The following CDH12 variants were observed in gnomAD, a reference collection of about 807,000 sequenced individuals.
The protein encoded by CDH12 is cadherin 12, also known as cadherin-12.
Under a neutral mutation model 74.1 loss-of-function variants are expected in CDH12, and 41 were observed. That is an observed-to-expected ratio of 0.55 (90% CI 0.43 to 0.72). The LOEUF (loss-of-function observed/expected upper bound fraction) is 0.72. Among genes scored for constraint, CDH12 ranks in the 30% least tolerant of loss-of-function variants. The pLI, the probability that CDH12 is intolerant of heterozygous loss-of-function variation, is 0.00. For synonymous variants in CDH12, 399 were observed against 355.0 expected (o/e 1.12, Z -1.39); for missense variants, 945 against 977.2 (o/e 0.97, Z 0.44).
chr5:21,920,670 G>A (rs7448939), intron 6 of CDH12, among the ~76,000 whole-genome samples: 108,723 of 147,368 alleles, frequency 0.74, 42,895 homozygotes, highest in East Asian at 0.93. Context: ...CTTAAAGTAT[G>A]ATAATAATAA....
chr5:22,466,838 G>A (rs984662771), intron 2 of CDH12, among the ~76,000 whole-genome samples: 1 of 135,342 alleles, frequency 7.4e-6, no homozygotes, highest in African/African-American at 2.9e-5. Flanking sequence ...CACCAGGCTG[G>A]AGTGCAATGG....
chr5:22,225,905 C>T (rs560525998), intron 3 of CDH12, among the ~76,000 whole-genome samples: 1 of 117,490 alleles, frequency 8.5e-6, no homozygotes, highest in East Asian at 2.6e-4. Context: ...TGGCCTCTAA[C>T]AATAACAACA....
intron 1 of CDH12, among the ~76,000 whole-genome samples, chr5:22,669,384 G>A (rs749324927): frequency 6.6e-6 from 1 of 151,444 alleles, no homozygotes; most frequent in African/African-American, 2.4e-5. Flanking sequence ...GATGACTTCT[G>A]GGAAAAGAGA....
At position 22,156,140 on chromosome 5, in the gene CDH12, A is replaced by G. The variant is rs1398240027; in HGVS notation, c.-187+56358T>C. 3.3e-5 allele frequency among the ~76,000 whole-genome samples: 5 copies of G among 152,214 alleles called. No individual in the cohort carries two copies. In the East Asian group the frequency reaches 9.7e-4, roughly 29 times the overall value. ...TTCACTAAGAATGATGAAAGTGGGA[A>G]CTGTGTGGCATGGCCTAGGAATTGT... On this transcript the variant is annotated intron_variant, in intron 4 of 14. Transcript: ENST00000382254.
chr5:21,760,778 G>A, intron 12 of CDH12, 103 bp from the exon 13 acceptor site: 1 of 736,564 alleles, frequency 1.4e-6, no homozygotes, highest in Non-Finnish European at 2.4e-6. Context: ...GACAGAAATG[G>A]CACTTTTTGA....
chr5:22,840,506 T>C (rs1309958052), intron 1 of CDH12, among the ~76,000 whole-genome samples: 2 of 149,820 alleles, frequency 1.3e-5, no homozygotes, highest in Non-Finnish European at 3.0e-5. Context: ...TTTATATATA[T>C]TATATATTTA....
chr5:21,862,666 TC>T (rs1386188130), intron 6 of CDH12, among the ~76,000 whole-genome samples: 1 of 152,188 alleles, frequency 6.6e-6, no homozygotes, highest in East Asian at 1.9e-4. Flanking sequence ...AAATGCTACT[TC>T]TAGCATGACA....
chr5:22,664,356 G>A (rs1224054676), intron 1 of CDH12, among the ~76,000 whole-genome samples: 1 of 152,120 alleles, frequency 6.6e-6, no homozygotes, highest in Non-Finnish European at 1.5e-5. Context: ...AGAAGGTGAA[G>A]GGGAAGCAAG....
rs191020430 is a variant in CDH12, at chr5:22,824,123, G to T, written c.-523+28935C>A. On this transcript the variant is annotated intron_variant, in intron 1 of 14. Coordinates refer to ENST00000382254, the MANE Select transcript of CDH12 (RefSeq NM_004061.5). The stretch of plus-strand genomic sequence containing the variant: ...CATCTGACTAATCATAGCATCAATG[G>T]AAACTAGAAGACAATGGACTAATAT... Among the ~76,000 whole-genome samples, 4 of 152,178 alleles carry T rather than the reference G, an allele frequency of 2.6e-5. No individual in the cohort carries two copies. In the East Asian group the frequency reaches 7.7e-4, roughly 29 times the overall value.
chr5:22,001,950 T>A (rs1424582196), intron 5 of CDH12, among the ~76,000 whole-genome samples: 2 of 152,094 alleles, frequency 1.3e-5, no homozygotes, highest in Non-Finnish European at 2.9e-5. Context: ...AATCCCTCTT[T>A]AAGAGATTAT....
intron 3 of CDH12, among the ~76,000 whole-genome samples, chr5:22,360,261 C>T (rs1013489149): frequency 6.6e-6 from 1 of 152,086 alleles, no homozygotes; most frequent in African/African-American, 2.4e-5. Flanking sequence ...CACCACCGAT[C>T]CCACAGAAAT....
intron 6 of CDH12, among the ~76,000 whole-genome samples, chr5:21,946,802 T>C (rs1390267772): frequency 2.0e-5 from 3 of 152,216 alleles, no homozygotes; most frequent in African/African-American, 4.8e-5. Flanking sequence ...ACCTACTGCA[T>C]TGCCAGTTAT....
Position 21,956,274 on chromosome 5 carries a change from A to T in CDH12, c.526+18817T>A, listed in dbSNP as rs558214711. 6.6e-5 allele frequency among the ~76,000 whole-genome samples: 10 copies of T among 152,162 alleles called. No individual in the cohort carries two copies. In the East Asian group the frequency reaches 1.9e-3, roughly 29 times the overall value. The stretch of plus-strand genomic sequence containing the variant: ...ATTCAGCATGGAGATGTAAAAAATG[A>T]AAATTAATGCAAAAAATAAGGGCAC... On this transcript the variant is annotated intron_variant, in intron 6 of 14. Coordinates refer to ENST00000382254, the MANE Select transcript of CDH12 (RefSeq NM_004061.5).
chr5:22,040,650 A>G (rs751959749), intron 5 of CDH12, among the ~76,000 whole-genome samples: 2 of 152,178 alleles, frequency 1.3e-5, no homozygotes, highest in Non-Finnish European at 2.9e-5. Flanking sequence ...GAATGGGATG[A>G]TATATTTAAA....
intron 6 of CDH12, among the ~76,000 whole-genome samples, chr5:21,888,553 C>T (rs1355085590): frequency 6.6e-6 from 1 of 151,758 alleles, no homozygotes; most frequent in African/African-American, 2.4e-5. Flanking sequence ...AACAAACCTG[C>T]ATGTTGTGTA....
intron 4 of CDH12, among the ~76,000 whole-genome samples, chr5:22,091,361 A>G (rs1743425195): frequency 6.6e-6 from 1 of 150,892 alleles, no homozygotes; most frequent in Admixed American, 6.7e-5. Context: ...AGATCAATAT[A>G]CAAAACTCAA....
chr5:22,097,093 C>A (rs1261817330), intron 4 of CDH12, among the ~76,000 whole-genome samples: 4 of 152,182 alleles, frequency 2.6e-5, no homozygotes, highest in African/African-American at 2.4e-5. Context: ...TCCTCCAGAA[C>A]CTCCTCCCTC....
intron 3 of CDH12, among the ~76,000 whole-genome samples, chr5:22,366,525 T>C (rs949273691): frequency 6.6e-6 from 1 of 152,142 alleles, no homozygotes. Flanking sequence ...TAGAAAAATT[T>C]ATTCTCCTGG....
At chr5:22,376,529 A>G (rs191843671) in intron 3 of CDH12, among the ~76,000 whole-genome samples, 8 of 152,138 alleles carry the variant, frequency 5.3e-5, no homozygotes. Context: ...TGATCATTAC[A>G]CATTCCATTG....
Sources: gnomAD v4.1 joint callset for allele counts (sites outside exome capture counted in the v4.1 genomes callset) on GRCh38, gnomAD v4.1.1 for gene constraint, MANE v1.5 for transcripts, NCBI Gene and HGNC (gene_info 2026-07-23, HGNC 2026-07-21) for gene names.